COL14A1: variants seen among roughly 807,000 people sequenced by gnomAD.
The protein encoded by COL14A1 is collagen type XIV alpha 1 chain, also known as collagen alpha-1(XIV) chain.
Under a neutral mutation model 230.3 loss-of-function variants are expected in COL14A1, and 136 were observed. The observed-to-expected ratio is 0.59, with a 90% CI of 0.51 to 0.68. The LOEUF (loss-of-function observed/expected upper bound fraction) is 0.68. Ranked by LOEUF, COL14A1 falls within the 30% of genes least tolerant of loss-of-function variation. The probability of loss-of-function intolerance (pLI) is 0.00; values close to 1 mark genes in which losing one functional copy is unlikely to be tolerated. For synonymous variants in COL14A1, 792 were observed against 784.1 expected (o/e 1.01, Z -0.17); for missense variants, 1,976 against 2,215.8 (o/e 0.89, Z 2.17).
At chr8:120,196,702 C>T (rs1178870343) in intron 5 of COL14A1, 89 bp from the exon 6 acceptor site, 12 of 1,294,930 alleles carry the variant, frequency 9.3e-6, no homozygotes, top group South Asian at 1.5e-5. Flanking sequence ...GTATTCTTAG[C>T]ACTAAGTTGT....
chr8:120,345,428 T>C lies in COL14A1; in HGVS notation c.4942T>C (p.Ser1648Pro). 1 of 1,599,516 alleles carries C rather than the reference T, an allele frequency of 6.3e-7. No homozygotes were observed. The highest frequency in any genetic ancestry group is 8.5e-7 in the Non-Finnish European group (1 of 1,173,870). The change falls in exon 45 of 48, where the codon TCC becomes CCC. Residue 1648 changes from serine (S) to proline (P), a missense_variant. Physicochemically the swap from Ser to Pro is moderately conservative, Grantham distance 74. Around this residue, in one of 3 missense-constraint regions of COL14A1, gnomAD observed 1,791 missense variants for 2,019.5 expected, o/e 0.89. Transcript: ENST00000297848. ...CAACCAGATTCCCAGCCACTCCTCATCCATCCGGACTGTCCAAGGGCCTCC... is the reference window on the plus strand; with the variant it reads ...CAACCAGATTCCCAGCCACTCCTCACCCATCCGGACTGTCCAAGGGCCTCC... The part of the protein sequence containing the change: ...ILNQIPSHSS[S>P]IRTVQGPPGE...
intron 5 of COL14A1, among the ~76,000 whole-genome samples, chr8:120,194,143 A>G (rs6998988): frequency 0.87 from 131,751 of 152,196 alleles, 57,208 homozygotes; most frequent in African/African-American, 0.91. Flanking sequence ...CTTCTGCGTC[A>G]CTCACACTGG....
intron 36 of COL14A1, among the ~76,000 whole-genome samples, chr8:120,308,421 T>A (rs78800987): frequency 1.3e-5 from 2 of 152,382 alleles, no homozygotes; most frequent in East Asian, 3.9e-4. Context: ...TAGATCTATG[T>A]GTGCTATAAT....
chr8:120,316,018 G>A, intron 40 of COL14A1, 21 bp downstream of exon 40: 1 of 1,613,708 alleles, frequency 6.2e-7, no homozygotes, highest in Non-Finnish European at 8.5e-7. Context: ...GCCCAAGGTT[G>A]GTTTTTAGCA....
chr8:120,173,694 C>G (rs1330824950), intron 5 of COL14A1, among the ~76,000 whole-genome samples: 1 of 144,598 alleles, frequency 6.9e-6, no homozygotes, highest in Non-Finnish European at 1.5e-5. Flanking sequence ...ATCTATCTAT[C>G]TATTTTACTG....
At chr8:120,249,606 C>T (rs1818876517) in intron 21 of COL14A1, among the ~76,000 whole-genome samples, 2 of 152,156 alleles carry the variant, frequency 1.3e-5, no homozygotes, top group Admixed American at 1.3e-4. Context: ...CATTTGCTCC[C>T]AAACGGAGAC....
At chr8:120,189,843 C>T (rs1163351293) in intron 5 of COL14A1, among the ~76,000 whole-genome samples, 1 of 152,056 alleles carries the variant, frequency 6.6e-6, no homozygotes, top group Non-Finnish European at 1.5e-5. Context: ...TATAGTATTC[C>T]ATGATGTATA....
intron 12 of COL14A1, among the ~76,000 whole-genome samples, chr8:120,210,233 A>G (rs1046872199): frequency 2.8e-4 from 43 of 152,324 alleles, no homozygotes; most frequent in African/African-American, 9.4e-4. Flanking sequence ...TGAACAGATC[A>G]TGTTTAATCA....
intron 2 of COL14A1, among the ~76,000 whole-genome samples, chr8:120,155,726 T>C (rs1815455691): frequency 1.3e-5 from 2 of 152,174 alleles, no homozygotes; most frequent in African/African-American, 4.8e-5. Flanking sequence ...CTCAGAAACT[T>C]GCATATATTT....
chr8:120,300,868 C>T (rs1181068688), intron 36 of COL14A1, 50 bp downstream of exon 36: 1 of 1,400,316 alleles, frequency 7.1e-7, no homozygotes, highest in African/African-American at 1.4e-5. Context: ...ATATTAATAG[C>T]TATCACTTGT....
intron 40 of COL14A1, among the ~76,000 whole-genome samples, chr8:120,324,889 G>GT (rs201314884): frequency 0.014 from 2,200 of 151,938 alleles, 48 homozygotes; most frequent in African/African-American, 0.051. Flanking sequence ...GGGCAGGTCA[G>GT]TTTTTTTTAG....
rs1367623914 is a variant in COL14A1, at chr8:120,243,910, T to G, written c.2381T>G (p.Leu794Arg). ...VMVPGSQNNL[L>R]LKPLLPDTEY... ...GTGCCTGGAAGCCAGAACAACCTCCTTCTGAAGCCTCTGCTTCCTGATACT... is the reference window on the plus strand; with the variant it reads ...GTGCCTGGAAGCCAGAACAACCTCCGTCTGAAGCCTCTGCTTCCTGATACT... Residue 794 changes from leucine to arginine, a missense_variant, in exon 20 of 48, where the codon CTT (leucine) becomes CGT (arginine). By Grantham distance (102) the Leu-to-Arg change is moderately radical. Around this residue, in one of 3 missense-constraint regions of COL14A1, gnomAD observed 1,791 missense variants for 2,019.5 expected, o/e 0.89. Transcript: ENST00000297848. 3 of 1,613,598 alleles carry G rather than the reference T, an allele frequency of 1.9e-6. No individual in the cohort carries two copies. Among genetic ancestry groups the G allele is most frequent in the Non-Finnish European group, 8.5e-7 (1 of 1,179,614 alleles).
chr8:120,161,706 A>G (rs966977945), intron 3 of COL14A1, among the ~76,000 whole-genome samples: 11 of 152,038 alleles, frequency 7.2e-5, no homozygotes, highest in African/African-American at 4.8e-5. Context: ...TCTGTCACCC[A>G]GGCTGGAGTG....
At chr8:120,356,240 C>G (rs1015515223) in intron 45 of COL14A1, among the ~76,000 whole-genome samples, 2 of 152,168 alleles carry the variant, frequency 1.3e-5, no homozygotes, top group African/African-American at 4.8e-5. Context: ...TTATGTGATG[C>G]TCATAAAAAT....
chr8:120,340,259 C>T (rs1295533408), intron 42 of COL14A1, among the ~76,000 whole-genome samples: 1 of 152,078 alleles, frequency 6.6e-6, no homozygotes, highest in Non-Finnish European at 1.5e-5. Context: ...TCTTCAGTGA[C>T]AGCACATTTG....
At chr8:120,233,055 A>T in intron 19 of COL14A1, among the ~76,000 whole-genome samples, 1 of 152,162 alleles carries the variant, frequency 6.6e-6, no homozygotes, top group African/African-American at 2.4e-5. Context: ...TTGGCTGCAT[A>T]AATGTATTCT....
At chr8:120,317,347 C>A (rs976482852) in intron 40 of COL14A1, among the ~76,000 whole-genome samples, 2 of 151,904 alleles carry the variant, frequency 1.3e-5, no homozygotes, top group South Asian at 2.1e-4. Flanking sequence ...TACATCCCCC[C>A]CTTTTTTTTA....
At chr8:120,311,989 C>T (rs765871462) in intron 37 of COL14A1, among the ~76,000 whole-genome samples, 5 of 151,836 alleles carry the variant, frequency 3.3e-5, no homozygotes, top group East Asian at 1.9e-4. Context: ...CCCAGCTACT[C>T]GGGAGGCTGA....
Position 120,367,182 on chromosome 8 carries a change from A to G in COL14A1, c.5089A>G (p.Ile1697Val), listed in dbSNP as rs1466170948. The change falls in exon 46 of 48, where the codon ATC becomes GTC. Residue 1697 changes from isoleucine (I) to valine (V), a missense_variant. Transcript: ENST00000297848. ...GTPGERGLTG[I>V]KGEKGNPGVG... is the part of the protein sequence containing the mutation. ...ATTATTTTAAACAGGTCTAACTGGT[A>G]TCAAAGGAGAAAAAGGAAATCCAGG... The G allele has an allele frequency of 6.2e-7, 1 of 1,612,778 alleles. No homozygotes were observed. Among genetic ancestry groups the G allele is most frequent in the Non-Finnish European group, 8.5e-7 (1 of 1,179,280 alleles).
Sources: allele counts gnomAD v4.1 joint callset (sites outside exome capture counted in the v4.1 genomes callset), GRCh38; gene constraint gnomAD v4.1.1; regional missense constraint gnomAD v4.1.1; transcripts MANE v1.5; gene names NCBI Gene and HGNC (gene_info 2026-07-23, HGNC 2026-07-21).